NKAIN3: variants seen among roughly 807,000 people sequenced by gnomAD.
NKAIN3 encodes the protein sodium/potassium transporting ATPase interacting 3.
NKAIN3 carries 25 observed loss-of-function variants against 30.2 expected under a neutral mutation model. The observed-to-expected ratio is 0.83, with a 90% CI of 0.60 to 1.16. The LOEUF is 1.16. Among genes scored for constraint, NKAIN3 ranks in the 50% most tolerant of loss-of-function variants. The pLI, the probability that NKAIN3 is intolerant of heterozygous loss-of-function variation, is 0.00. For missense variants in NKAIN3, 225 were observed against 254.1 expected (o/e 0.89, Z 0.78); for synonymous variants, 91 against 89.6 (o/e 1.02, Z -0.09).
intron 1 of NKAIN3, among the ~76,000 whole-genome samples, chr8:62,455,077 G>C (rs1805771249): frequency 6.6e-6 from 1 of 152,204 alleles, no homozygotes; most frequent in South Asian, 2.1e-4. Context: ...AGAAAGATGA[G>C]TCCTGTGTCT....
At chr8:62,775,816 A>G (rs927934194) in intron 4 of NKAIN3, among the ~76,000 whole-genome samples, 2 of 152,004 alleles carry the variant, frequency 1.3e-5, no homozygotes, top group African/African-American at 4.8e-5. Flanking sequence ...CATTTGATCT[A>G]TTGTACAGTT....
chr8:62,495,789 G>T (rs1466375361), intron 1 of NKAIN3, among the ~76,000 whole-genome samples: 1 of 151,922 alleles, frequency 6.6e-6, no homozygotes, highest in Non-Finnish European at 1.5e-5. Flanking sequence ...CTAACTTTTG[G>T]ATAGGAGAAC....
At chr8:62,571,819 G>A (rs1041827373) in intron 1 of NKAIN3, among the ~76,000 whole-genome samples, 5 of 152,092 alleles carry the variant, frequency 3.3e-5, no homozygotes, top group African/African-American at 1.2e-4. Flanking sequence ...TTACACCATA[G>A]CTGAAACATC....
At chr8:62,278,813 A>G (rs940053912) in intron 1 of NKAIN3, among the ~76,000 whole-genome samples, 13 of 152,102 alleles carry the variant, frequency 8.5e-5, no homozygotes, top group African/African-American at 2.9e-4. Flanking sequence ...AGTCTTTTCT[A>G]TTGTGAATAG....
At chr8:62,964,997 C>T (rs1347309014) in intron 6 of NKAIN3, among the ~76,000 whole-genome samples, 1 of 152,096 alleles carries the variant, frequency 6.6e-6, no homozygotes, top group African/African-American at 2.4e-5. Context: ...AACTACCCAG[C>T]ATACTGTAGA....
intron 1 of NKAIN3, among the ~76,000 whole-genome samples, chr8:62,450,013 A>G (rs1286252177): frequency 6.6e-6 from 1 of 152,194 alleles, no homozygotes; most frequent in Non-Finnish European, 1.5e-5. Context: ...TTTAGTTTAA[A>G]CAAAAATATT....
At chr8:62,838,502 A>C (rs548488729) in intron 4 of NKAIN3, among the ~76,000 whole-genome samples, 1 of 151,996 alleles carries the variant, frequency 6.6e-6, no homozygotes, top group African/African-American at 2.4e-5. Context: ...TAACTCTCAA[A>C]TTATCTTATA....
intron 3 of NKAIN3, among the ~76,000 whole-genome samples, chr8:62,731,234 GAC>G (rs67571816): frequency 0.4 from 56,772 of 143,382 alleles, 11,340 homozygotes; most frequent in East Asian, 0.7. Context: ...GGGATCACAG[GAC>G]ACACACACAC....
intron 1 of NKAIN3, among the ~76,000 whole-genome samples, chr8:62,387,050 T>C (rs1000682123): frequency 1.3e-4 from 20 of 152,134 alleles, no homozygotes; most frequent in Non-Finnish European, 2.6e-4. Flanking sequence ...TTTATTAATT[T>C]ATAGGATCAT....
At chr8:62,640,387 G>C (rs977509449) in intron 3 of NKAIN3, among the ~76,000 whole-genome samples, 1 of 152,020 alleles carries the variant, frequency 6.6e-6, no homozygotes, top group South Asian at 2.1e-4. Flanking sequence ...CATGTAAGAC[G>C]TGTGTCTTCC....
chr8:62,753,244 A>G (rs1347700864), intron 4 of NKAIN3, among the ~76,000 whole-genome samples: 1 of 151,756 alleles, frequency 6.6e-6, no homozygotes, highest in African/African-American at 2.4e-5. Context: ...GCACGCACGC[A>G]CAGTATAGCA....
intron 5 of NKAIN3, among the ~76,000 whole-genome samples, chr8:62,945,977 T>A (rs1418666605): frequency 6.6e-6 from 1 of 152,168 alleles, no homozygotes; most frequent in African/African-American, 2.4e-5. Context: ...AAAATGTTGG[T>A]AAACTCTGAT....
chr8:62,600,328 G>A lies in NKAIN3; in HGVS notation c.273+10534G>A, dbSNP rs538652115. Among the ~76,000 whole-genome samples the A allele has an allele frequency of 4.9e-4, 75 of 152,130 alleles. 1 individual carries two copies. In the South Asian group the frequency reaches 9.7e-3, roughly 20 times the overall value. The stretch of plus-strand genomic sequence containing the variant: ...AGGACTTATTTTATATTAATCATGA[G>A]CTTTGATCAGGGGCCTTCTAAAATC... On this transcript the variant is annotated intron_variant, in intron 3 of 6. Coordinates refer to ENST00000623646, the MANE Select transcript of NKAIN3 (RefSeq NM_001304533.3).
At chr8:62,285,854 T>G (rs1291288249) in intron 1 of NKAIN3, among the ~76,000 whole-genome samples, 1 of 152,172 alleles carries the variant, frequency 6.6e-6, no homozygotes, top group African/African-American at 2.4e-5. Flanking sequence ...TTTTCTATAC[T>G]TGAATATTGG....
rs1473080046 is a variant in NKAIN3 at position 62,984,600 on chromosome 8, G to A, written c.*19193G>A. 1 of 152,120 alleles carries A rather than the reference G, an allele frequency of 6.6e-6. No individual in the cohort carries two copies. Among genetic ancestry groups the A allele is most frequent in the Non-Finnish European group, 1.5e-5 (1 of 68,016 alleles). 9.4% of individuals were successfully genotyped at this position (152,120 alleles called of 1,614,324 possible). ...GTTTGACTTATGAGATGAATTAATT[G>A]AAAAAGTCAAAGCCTATCAGGAGCT... On this transcript the variant is annotated 3_prime_UTR_variant, in exon 7 of 7. Coordinates refer to ENST00000623646, the MANE Select transcript of NKAIN3 (RefSeq NM_001304533.3).
intron 3 of NKAIN3, among the ~76,000 whole-genome samples, chr8:62,701,602 G>A (rs28735390): frequency 0.019 from 2,873 of 152,146 alleles, 84 homozygotes; most frequent in African/African-American, 0.064. Flanking sequence ...AAATGGGGTC[G>A]CTAGAATGCT....
At chr8:62,345,512 T>TACAC (rs374481157) in intron 1 of NKAIN3, among the ~76,000 whole-genome samples, 6 of 120,914 alleles carry the variant, frequency 5.0e-5, no homozygotes, top group South Asian at 5.0e-4. Flanking sequence ...TACACATATA[T>TACAC]ACACATATAT....
intron 1 of NKAIN3, among the ~76,000 whole-genome samples, chr8:62,577,516 C>T (rs1585969205): frequency 7.3e-6 from 1 of 137,224 alleles, no homozygotes. Flanking sequence ...GAATGGCCTG[C>T]AGCTGCTCTT....
chr8:62,810,347 G>A (rs1175059330), intron 4 of NKAIN3, among the ~76,000 whole-genome samples: 1 of 152,072 alleles, frequency 6.6e-6, no homozygotes. Context: ...TGTATTTGGA[G>A]GAGTAGGTCA....
Sources: allele counts gnomAD v4.1 joint callset (sites outside exome capture counted in the v4.1 genomes callset), GRCh38; gene constraint gnomAD v4.1.1; transcripts MANE v1.5; gene names NCBI Gene and HGNC (gene_info 2026-07-23, HGNC 2026-07-21).